The following ASPG variants were observed in gnomAD, a reference collection of about 807,000 sequenced individuals.
The protein encoded by ASPG is asparaginase, also known as 60 kDa lysophospholipase.
Under a neutral mutation model 63.2 loss-of-function variants are expected in ASPG, and 53 were observed. The ratio of observed to expected loss-of-function variants is 0.84; its 90% CI spans 0.67 to 1.05. The LOEUF is 1.05. Among genes scored for constraint, ASPG ranks in the 50% least tolerant of loss-of-function variants. The pLI is 0.00. For missense variants in ASPG, 741 were observed against 794.4 expected, an observed-to-expected ratio of 0.93 and a Z score of 0.81; for synonymous variants, 370 against 355.0, an observed-to-expected ratio of 1.04 and a Z score of -0.48.
intron 7 of ASPG, among the ~76,000 whole-genome samples, chr14:104,103,936 C>T (rs1305715777): frequency 1.3e-5 from 2 of 152,276 alleles, no homozygotes; most frequent in Non-Finnish European, 2.9e-5. Context: ...CTAGAGGCAG[C>T]GTCCTCCCGC....
At chr14:104,104,824 G>A in intron 9 of ASPG, 89 bp downstream of exon 9, 1 of 1,135,802 alleles carries the variant, frequency 8.8e-7, no homozygotes, top group Non-Finnish European at 1.2e-6. Flanking sequence ...GATGCCGGAA[G>A]AGCCTGGGGG....
intron 12 of ASPG, chr14:104,108,783 G>A: frequency 1.1e-5 from 11 of 985,456 alleles, no homozygotes; most frequent in Non-Finnish European, 1.3e-5. Flanking sequence ...GCGCCTGGCT[G>A]AGGAGGTCAC....
Position 104,098,925 on chromosome 14 carries a change from G to A in ASPG, c.586G>A (p.Ala196Thr), listed in dbSNP as rs1477275260. 6.2e-7 allele frequency: 1 copy of A among 1,608,684 alleles called. No individual in the cohort carries two copies. Among genetic ancestry groups the A allele is most frequent in the South Asian group, 1.1e-5 (1 of 90,160 alleles). ...ATKVDARRFA[A>T]FCSPNLLPLA... is the part of the protein sequence containing the mutation. ...CAAGGTAGACGCTCGGAGGTTCGCA[G>A]CTTTCTGCTCCCCGAACCTGCTGCC... The change falls in exon 6 of 16, where the codon GCT becomes ACT. Residue 196 changes from alanine to threonine, a missense_variant. Coordinates refer to ENST00000551177, the MANE Select transcript of ASPG (RefSeq NM_001080464.3).
intron 5 of ASPG, 122 bp from the exon 6 acceptor site, chr14:104,098,731 G>C (rs2036737495): frequency 6.9e-7 from 1 of 1,453,138 alleles, no homozygotes; most frequent in Non-Finnish European, 9.3e-7. Context: ...CGGTGGGTGG[G>C]GTTACAGTCC....
rs955995601 is a variant in ASPG, at chr14:104,111,697, C to T, written c.1620+96C>T. 13 of 1,032,520 alleles carry T rather than the reference C, an allele frequency of 1.3e-5. No homozygotes were observed. The African/African-American group carries it at 1.8e-4, about 14-fold the overall frequency. 64.0% of individuals were successfully genotyped at this position (1,032,520 alleles called of 1,614,324 possible). A position where few individuals can be genotyped will look rare whatever the true frequency, so the allele number is the denominator to read the frequency against. On this transcript the variant is annotated intron_variant, in intron 14 of 15. Transcript: ENST00000551177. ...CAGCTCACTGCTCTGCCCCTCCCCG[C>T]TCTGCCCCTCCCCCAAATGCCTGGC...
chr14:104,110,719 AG>A lies in ASPG; in HGVS notation c.1521-778del. ...AGAGTCCCTAAGGGCCCTCCAGAGGAGGGGGCAGCCCCTTCCTCACCAGGCC... is the reference window on the plus strand; with the variant it reads ...AGAGTCCCTAAGGGCCCTCCAGAGGAGGGGCAGCCCCTTCCTCACCAGGCC... On this transcript the variant is annotated intron_variant, in intron 13 of 15. Transcript: ENST00000551177. This position sits in a 1 kb window ranked among gnomAD's most constrained non-coding sequence, Gnocchi z 4.7. 2 of 985,192 alleles carry A rather than the reference AG, an allele frequency of 2.0e-6. No individual in the cohort carries two copies. The highest frequency in any genetic ancestry group is 2.4e-6 in the Non-Finnish European group (2 of 829,816). 61.0% of individuals were successfully genotyped at this position (985,192 alleles called of 1,614,324 possible).
At chr14:104,104,950 C>T (rs1268829876) in intron 9 of ASPG, 8 of 586,054 alleles carry the variant, frequency 1.4e-5, no homozygotes, top group African/African-American at 3.8e-5. Flanking sequence ...GCCCAGGCTC[C>T]GCCTGTCCTT....
At position 104,112,799 on chromosome 14, in the gene ASPG, C is replaced by T; in HGVS notation, c.*255C>T. 1 of 731,918 alleles carries T rather than the reference C, an allele frequency of 1.4e-6. No individual in the cohort carries two copies. Among genetic ancestry groups the T allele is most frequent in the East Asian group, 3.0e-5 (1 of 33,110 alleles). 45.3% of individuals were successfully genotyped at this position (731,918 alleles called of 1,614,324 possible). On this transcript the variant is annotated 3_prime_UTR_variant, in exon 16 of 16. Coordinates refer to ENST00000551177, the MANE Select transcript of ASPG (RefSeq NM_001080464.3). ...GAGTCAGGCCCAGGCTCTGTGGGGT[C>T]TCTGCGGGGGTCACTTGGCCCATCC...
chr14:104,112,733 G>T lies in ASPG; in HGVS notation c.*189G>T. ...CACCAGGTCTGTACAGCCTGGCTCT[G>T]AGAGGCTCTGTCTGGGTCCGGGACT... On this transcript the variant is annotated 3_prime_UTR_variant, in exon 16 of 16. Coordinates refer to ENST00000551177, the MANE Select transcript of ASPG (RefSeq NM_001080464.3). 7.4e-7 allele frequency: 1 copy of T among 1,352,614 alleles called. No homozygotes were observed. The highest frequency in any genetic ancestry group is 1.0e-6 in the Non-Finnish European group (1 of 999,074). The allele number at this position is 1,352,614 out of a possible 1,614,324, so 83.8% of individuals were successfully genotyped here. A position where few individuals can be genotyped will look rare whatever the true frequency, so the allele number is the denominator to read the frequency against.
At chr14:104,097,798 G>A (rs906491137) in intron 5 of ASPG, among the ~76,000 whole-genome samples, 161 bp downstream of exon 5, 2 of 152,156 alleles carry the variant, frequency 1.3e-5, no homozygotes, top group Admixed American at 1.3e-4. Flanking sequence ...TACATTAGAG[G>A]TACGTATGGA....
intron 2 of ASPG, 71 bp downstream of exon 2, chr14:104,092,812 C>A: frequency 7.4e-7 from 1 of 1,352,842 alleles, no homozygotes; most frequent in Non-Finnish European, 1.0e-6. Context: ...AGGCTGGGCA[C>A]TGCTGGCCAG....
intron 4 of ASPG, among the ~76,000 whole-genome samples, chr14:104,096,865 C>T (rs117292742): frequency 0.013 from 2,007 of 152,350 alleles, 12 homozygotes; most frequent in Middle Eastern, 0.017. Context: ...TCCAGAGCCT[C>T]TGACTGACCA....
In ASPG at chr14:104,114,286, G is replaced by C. The variant is rs1053779744; in HGVS notation, c.*1742G>C. ...AACGCCCACTCATCCTGCTTGTCCC[G>C]CAGAGAGCATTTGTCAAGCTGGCCT... On this transcript the variant is annotated 3_prime_UTR_variant, in exon 16 of 16. Coordinates refer to ENST00000551177, the MANE Select transcript of ASPG (RefSeq NM_001080464.3). 1.3e-5 allele frequency: 2 copies of C among 152,342 alleles called. No individual in the cohort carries two copies. The highest frequency in any genetic ancestry group is 4.8e-5 in the African/African-American group (2 of 41,466). 9.4% of individuals were successfully genotyped at this position (152,342 alleles called of 1,614,324 possible).
chr14:104,102,481 C>T (rs1483234449), intron 6 of ASPG, among the ~76,000 whole-genome samples: 1 of 152,188 alleles, frequency 6.6e-6, no homozygotes, highest in African/African-American at 2.4e-5. Flanking sequence ...TCTCCAGGCG[C>T]CCAGGCCCTT....
intron 1 of ASPG, 102 bp from the exon 2 acceptor site, chr14:104,092,531 G>C (rs1284469422): frequency 2.1e-6 from 2 of 962,598 alleles, no homozygotes; most frequent in Non-Finnish European, 3.2e-6. Context: ...TCATAAGACC[G>C]GAGCCCCATC....
chr14:104,108,565 C>T, intron 12 of ASPG: 2 of 985,356 alleles, frequency 2.0e-6, no homozygotes, highest in Non-Finnish European at 2.4e-6. Context: ...ATCTGTGGTG[C>T]TTTGCAGGGG....
chr14:104,107,070 G>A, intron 11 of ASPG, 112 bp from the exon 12 acceptor site: 1 of 1,391,328 alleles, frequency 7.2e-7, no homozygotes, highest in Non-Finnish European at 9.7e-7. Context: ...CTTTGAGGGT[G>A]GGCGCAGGGG....
chr14:104,095,260 T>C (rs78510744), intron 3 of ASPG, among the ~76,000 whole-genome samples: 2,110 of 152,298 alleles, frequency 0.014, 14 homozygotes, highest in South Asian at 0.029. Flanking sequence ...CAGAGGCCCC[T>C]TGGAGGGACT....
At chr14:104,103,739 G>A (rs545118645) in intron 7 of ASPG, 64 bp downstream of exon 7, 12 of 1,406,690 alleles carry the variant, frequency 8.5e-6, no homozygotes, top group South Asian at 6.4e-5. Flanking sequence ...CAGCTCCCAC[G>A]GCCCTCAGGC....
Sources: allele counts gnomAD v4.1 joint callset (sites outside exome capture counted in the v4.1 genomes callset), GRCh38; gene constraint gnomAD v4.1.1; non-coding constraint Gnocchi (gnomAD v3.1); transcripts MANE v1.5; gene names NCBI Gene and HGNC (gene_info 2026-07-23, HGNC 2026-07-21).